KBTBD4: variants seen among roughly 807,000 people sequenced by gnomAD.
KBTBD4 encodes the protein kelch repeat and BTB domain containing 4.
In KBTBD4, 30 loss-of-function variants were observed where a neutral mutation model predicts 43.9. The ratio of observed to expected loss-of-function variants is 0.68; its 90% CI spans 0.51 to 0.93. The LOEUF is 0.93. Among genes scored for constraint, KBTBD4 ranks in the 40% least tolerant of loss-of-function variants. KBTBD4 has a pLI of 0.00. For missense variants in KBTBD4, 575 were observed against 668.8 expected, an observed-to-expected ratio of 0.86 and a Z score of 1.55; for synonymous variants, 258 against 256.9, an observed-to-expected ratio of 1.00 and a Z score of -0.04.
chr11:47,575,304 C>T (rs1011068675), intron 3 of KBTBD4, among the ~76,000 whole-genome samples: 2 of 151,128 alleles, frequency 1.3e-5, no homozygotes, highest in Non-Finnish European at 2.9e-5. Context: ...GTCAGGAGAT[C>T]GAGAGCATCC....
Position 47,577,478 on chromosome 11 carries a change from C to T in KBTBD4, c.570G>A (p.Leu190=), listed in dbSNP as rs746367158. 2 of 1,613,730 alleles carry T rather than the reference C, an allele frequency of 1.2e-6. No homozygotes were observed. ...ATTCCTCTGTATTCTGCAGCTGGGC[C>T]AGGTGGGTCTTGGCACAGTGCTTGG... ...TAAKHCAKTH[L]AQLQNTEEFL... is the part of the protein sequence containing the mutation. Residue 190 remains leucine (L), a synonymous_variant, in exon 2 of 4, where the codon CTG becomes CTA. Transcript: ENST00000430070.
rs2097251091 is a variant in KBTBD4 at position 47,572,601 on chromosome 11, G to T, written c.*329C>A. On this transcript the variant is annotated 3_prime_UTR_variant, in exon 4 of 4. Coordinates refer to ENST00000430070, the MANE Select transcript of KBTBD4 (RefSeq NM_018095.6). ...CTTTCCTTATGTCCTGGGATCAGGGGTGCTTACATTTAACATTGATCAGGT... is the reference window on the plus strand; with the variant it reads ...CTTTCCTTATGTCCTGGGATCAGGGTTGCTTACATTTAACATTGATCAGGT... The T allele has an allele frequency of 9.8e-6, 3 of 304,622 alleles. No individual in the cohort carries two copies. Among genetic ancestry groups the T allele is most frequent in the South Asian group, 6.9e-5 (1 of 14,426 alleles). The allele number at this position is 304,622 out of a possible 1,614,324, so 18.9% of individuals were successfully genotyped here.
rs757333214 is a variant in KBTBD4, at chr11:47,577,559, G to A, written c.489C>T (p.Cys163=). 2 of 1,614,160 alleles carry A rather than the reference G, an allele frequency of 1.2e-6. No individual in the cohort carries two copies. Among genetic ancestry groups the A allele is most frequent in the Non-Finnish European group, 1.7e-6 (2 of 1,180,032 alleles). The change falls in exon 2 of 4, where the codon TGC becomes TGT. Residue 163 remains cysteine, a synonymous_variant. Coordinates refer to ENST00000430070, the MANE Select transcript of KBTBD4 (RefSeq NM_018095.6). ...GATCTGCCAGCCACATCACCTGAAGGCAGTTTCCCACTTGCACTGTGCGGG... is the reference window on the plus strand; with the variant it reads ...GATCTGCCAGCCACATCACCTGAAGACAGTTTCCCACTTGCACTGTGCGGG... ...FLARTVQVGN[C]LQVMWLADRH...
At chr11:47,575,851 T>C in intron 2 of KBTBD4, 152 bp from the exon 3 acceptor site, 1 of 393,556 alleles carries the variant, frequency 2.5e-6, no homozygotes, top group Non-Finnish European at 4.3e-6. Flanking sequence ...GAAATTAACC[T>C]AAAATTGCTT....
rs755526558 is a variant in KBTBD4, at chr11:47,577,822, G to C, written c.226C>G (p.Arg76Gly). The change falls in exon 2 of 4, where the codon CGG (arginine) becomes GGG (glycine). Residue 76 changes from arginine to glycine, a missense_variant. Arg to Gly is a moderately radical substitution (Grantham distance 125). Coordinates refer to ENST00000430070, the MANE Select transcript of KBTBD4 (RefSeq NM_018095.6). ...SVEGREFQLHRLVLSAQSCFF... is the reference protein window; with the variant it reads ...SVEGREFQLHGLVLSAQSCFF... ...CAGCTCTGAGCTGAGAGGACCAGCC[G>C]ATGGAGCTGAAACTCCCGGCCTTCC... The C allele has an allele frequency of 7.4e-6, 12 of 1,614,088 alleles. No homozygotes were observed. Among genetic ancestry groups the C allele is most frequent in the Non-Finnish European group, 1.0e-5 (12 of 1,180,050 alleles).
chr11:47,573,657 A>T lies in KBTBD4; in HGVS notation c.878T>A (p.Ile293Asn). Reference protein sequence around the residue: ...VSGQNSLCHQITAACKHGGDL... With the variant: ...VSGQNSLCHQNTAACKHGGDL... ...TCCACCATGCTTGCAGGCCGCAGTG[A>T]TCTGGTGGCACAAACTGTTTTGGCC... The change falls in exon 4 of 4, where the codon ATC (isoleucine) becomes AAC (asparagine). Residue 293 changes from isoleucine to asparagine, a missense_variant. By Grantham distance (149) the Ile-to-Asn change is moderately radical (BLOSUM62 -3). Transcript: ENST00000430070. The surrounding 1 kb of genome is among the most constrained non-coding windows in gnomAD (Gnocchi z 4.1). The T allele has an allele frequency of 6.2e-7, 1 of 1,613,600 alleles. No individual in the cohort carries two copies. Among genetic ancestry groups the T allele is most frequent in the Non-Finnish European group, 8.5e-7 (1 of 1,180,024 alleles).
At position 47,578,587 on chromosome 11, in the gene KBTBD4, G is replaced by T; in HGVS notation, c.19+346C>A. On this transcript the variant is annotated intron_variant, in intron 1 of 3. Coordinates refer to ENST00000430070, the MANE Select transcript of KBTBD4 (RefSeq NM_018095.6). Reference sequence around the variant, plus strand: ...TTCCCCCACACTTCCCCGCTCGCTCGAAAGACTCCCTATGGCTGCGTCCCA... The same window carrying T: ...TTCCCCCACACTTCCCCGCTCGCTCTAAAGACTCCCTATGGCTGCGTCCCA... The T allele has an allele frequency of 5.6e-6, 4 of 708,528 alleles. No individual in the cohort carries two copies. In the Admixed American group the frequency reaches 6.0e-5, roughly 11 times the overall value. The allele number at this position is 708,528 out of a possible 1,614,324, so 43.9% of individuals were successfully genotyped here.
chr11:47,577,291 C>A (rs779996216), intron 2 of KBTBD4, 120 bp downstream of exon 2: 1 of 990,400 alleles, frequency 1.0e-6, no homozygotes, highest in Non-Finnish European at 1.5e-6. Flanking sequence ...AGTAAGAATG[C>A]AGGAATAATA....
rs775118622 is a variant in KBTBD4, at chr11:47,572,880, T to C, written c.*50A>G. 2 of 1,563,298 alleles carry C rather than the reference T, an allele frequency of 1.3e-6. No homozygotes were observed. Among genetic ancestry groups the C allele is most frequent in the East Asian group, 4.5e-5 (2 of 44,438 alleles). On this transcript the variant is annotated 3_prime_UTR_variant, in exon 4 of 4. Coordinates refer to ENST00000430070, the MANE Select transcript of KBTBD4 (RefSeq NM_018095.6). ...ATTGGGGCCCAGGGGACTTTGAGTT[T>C]GTATGGGGAGGGAAAAGGAGTGAGC...
In KBTBD4 at chr11:47,572,987, T is replaced by A; in HGVS notation, c.1548A>T (p.Val516=). ...TYKLDPATSA[V]TVTRGIKVLL... ...GCACCTTAATACCTCTTGTGACAGT[T>A]ACGGCTGAAGTGGCAGGGTCAAGCT... Residue 516 remains valine, a synonymous_variant, in exon 4 of 4, where the codon GTA becomes GTT. Coordinates refer to ENST00000430070, the MANE Select transcript of KBTBD4 (RefSeq NM_018095.6). 1 of 1,614,204 alleles carries A rather than the reference T, an allele frequency of 6.2e-7. No homozygotes were observed. The highest frequency in any genetic ancestry group is 8.5e-7 in the Non-Finnish European group (1 of 1,180,038).
intron 1 of KBTBD4, chr11:47,578,457 C>A: frequency 1.7e-6 from 1 of 578,188 alleles, no homozygotes; most frequent in South Asian, 2.2e-5. Flanking sequence ...TGGCCCCGGC[C>A]TAGTGGCCAG....
chr11:47,577,283 T>A (rs2097261456), intron 2 of KBTBD4, 128 bp downstream of exon 2: 1 of 927,432 alleles, frequency 1.1e-6, no homozygotes, highest in Non-Finnish European at 1.6e-6. Context: ...GTTATCTCAG[T>A]AAGAATGCAG....
intron 3 of KBTBD4, among the ~76,000 whole-genome samples, chr11:47,574,342 C>CA (rs2097255345): frequency 6.6e-6 from 1 of 151,786 alleles, no homozygotes. Flanking sequence ...ACTAAAAATA[C>CA]AAAAATTAGC....
At chr11:47,575,530 AT>A in intron 3 of KBTBD4, 62 bp downstream of exon 3, 1 of 1,123,986 alleles carries the variant, frequency 8.9e-7, no homozygotes, top group African/African-American at 1.6e-5. Flanking sequence ...AAGAGGCCAA[AT>A]TAACTGATGG....
Position 47,573,389 on chromosome 11 carries a change from C to T in KBTBD4, c.1146G>A (p.Val382=), listed in dbSNP as rs2097253271. 1.2e-6 allele frequency: 2 copies of T among 1,614,212 alleles called. No individual in the cohort carries two copies. Among genetic ancestry groups the T allele is most frequent in the Non-Finnish European group, 1.7e-6 (2 of 1,180,032 alleles). The stretch of plus-strand genomic sequence containing the variant: ...TGGCACCAGCAGCCCCTGACACAGC[C>T]ACCTCTAGCTGAGTTGTCTCTGTCC... ...NVWTETTQLE[V]AVSGAAGANL... The change falls in exon 4 of 4, where the codon GTG becomes GTA. Residue 382 remains valine, a synonymous_variant. Coordinates refer to ENST00000430070, the MANE Select transcript of KBTBD4 (RefSeq NM_018095.6). The surrounding 1 kb of genome is among the most constrained non-coding windows in gnomAD (Gnocchi z 4.1).
Position 47,575,699 on chromosome 11 carries a change from T to C in KBTBD4, c.638A>G (p.Asp213Gly), listed in dbSNP as rs2097257918. Residue 213 changes from aspartate to glycine, a missense_variant and splice_region_variant, in exon 3 of 4, where the codon GAT becomes GGT. Asp to Gly is a moderately conservative substitution (Grantham distance 94). Transcript: ENST00000430070. ...TGGGTTCTGAGAACACGGAACTCCA[T>C]CTGTGAGAGCCAGAGGAAAGGCATG... ...PHRLLTDIIS[D>G]GVPCSQNPTE... 2 of 1,588,664 alleles carry C rather than the reference T, an allele frequency of 1.3e-6. No homozygotes were observed. The highest frequency in any genetic ancestry group is 1.7e-6 in the Non-Finnish European group (2 of 1,162,068).
At chr11:47,577,305 TA>T in intron 2 of KBTBD4, 105 bp downstream of exon 2, 4 of 1,140,948 alleles carry the variant, frequency 3.5e-6, no homozygotes, top group Middle Eastern at 4.6e-4. Context: ...AATAATAATG[TA>T]AACTAACACC....
chr11:47,578,922 C>T lies in KBTBD4; in HGVS notation c.19+11G>A. 6.4e-7 allele frequency: 1 copy of T among 1,551,782 alleles called. No homozygotes were observed. Among genetic ancestry groups the T allele is most frequent in the Non-Finnish European group, 8.7e-7 (1 of 1,147,012 alleles). ...TCACGATTTCCCTACCTGCCTGTCT[C>T]GCTTTCTCACCTGCGTTCCCTCCTT... On this transcript the variant is annotated intron_variant, in intron 1 of 3. Transcript: ENST00000430070.
chr11:47,578,082 G>A, intron 1 of KBTBD4, 54 bp from the exon 2 acceptor site: 1 of 1,595,612 alleles, frequency 6.3e-7, no homozygotes, highest in Non-Finnish European at 8.5e-7. Context: ...CATAGTCTGT[G>A]AATCCAACTG....
Sources: gnomAD v4.1 joint callset for allele counts (sites outside exome capture counted in the v4.1 genomes callset) on GRCh38, gnomAD v4.1.1 for gene constraint, Gnocchi (gnomAD v3.1) non-coding constraint, MANE v1.5 for transcripts, NCBI Gene and HGNC (gene_info 2026-07-23, HGNC 2026-07-21) for gene names.